PKP2: variants seen among roughly 807,000 people sequenced by gnomAD.
PKP2 encodes plakophilin 2, also known as plakophilin-2.
PKP2 carries 73 observed loss-of-function variants against 83.4 expected under a neutral mutation model. The ratio of observed to expected loss-of-function variants is 0.88; its 90% CI spans 0.72 to 1.06. The LOEUF (loss-of-function observed/expected upper bound fraction) is 1.06, where lower values mean the gene tolerates loss of function less well. Ranked by LOEUF, PKP2 falls within the 50% of genes least tolerant of loss-of-function variation. The probability of loss-of-function intolerance (pLI) is 0.00; values close to 1 mark genes in which losing one functional copy is unlikely to be tolerated. For missense variants in PKP2, 966 were observed against 1,065.4 expected, an observed-to-expected ratio of 0.91 and a Z score of 1.30; for synonymous variants, 409 against 430.4, an observed-to-expected ratio of 0.95 and a Z score of 0.62.
intron 10 of PKP2, among the ~76,000 whole-genome samples, 197 bp downstream of exon 10, chr12:32,802,205 TA>T (rs1176187850): frequency 6.6e-6 from 1 of 151,970 alleles, no homozygotes; most frequent in South Asian, 2.1e-4. Flanking sequence ...GTTGGATATT[TA>T]AAAAAAATCT....
intron 1 of PKP2, among the ~76,000 whole-genome samples, chr12:32,890,244 C>T (rs1957066591): frequency 6.6e-6 from 1 of 151,774 alleles, no homozygotes. Context: ...AAGAAAAGTT[C>T]CCATTTGTTT....
At chr12:32,834,756 G>A (rs183627019) in intron 6 of PKP2, among the ~76,000 whole-genome samples, 2 of 152,104 alleles carry the variant, frequency 1.3e-5, no homozygotes, top group African/African-American at 2.4e-5. Context: ...GAAGCTATAA[G>A]AATAATATGC....
chr12:32,800,387 G>T (rs1956168581), intron 10 of PKP2, among the ~76,000 whole-genome samples: 1 of 152,190 alleles, frequency 6.6e-6, no homozygotes, highest in Non-Finnish European at 1.5e-5. Context: ...TGAATGATAT[G>T]TCATCATAAT....
At chr12:32,821,951 T>C (rs779994866) in intron 8 of PKP2, 2 of 242,180 alleles carry the variant, frequency 8.3e-6, no homozygotes, top group Non-Finnish European at 1.6e-5. Context: ...TTTCCACAAA[T>C]ACCACGATAC....
At chr12:32,849,191 T>G (rs1956675791) in intron 5 of PKP2, among the ~76,000 whole-genome samples, 1 of 152,132 alleles carries the variant, frequency 6.6e-6, no homozygotes, top group South Asian at 2.1e-4. Flanking sequence ...TACTGATGAT[T>G]GCACTCAGTT....
In PKP2 at chr12:32,878,077, A is replaced by T. The variant is rs1341012598; in HGVS notation, c.803T>A (p.Val268Asp). The T allele has an allele frequency of 6.2e-7, 1 of 1,614,094 alleles. No individual in the cohort carries two copies. The highest frequency in any genetic ancestry group is 1.1e-5 in the South Asian group (1 of 91,076). The change falls in exon 3 of 13, where the codon GTC becomes GAC. Residue 268 changes from valine (V) to aspartate (D), a missense_variant. By Grantham distance (152) the Val-to-Asp change is radical. Transcript: ENST00000340811. ...KENYLTAGLTVGQVRPLVPLQ... is the reference protein window; with the variant it reads ...KENYLTAGLTDGQVRPLVPLQ... ...GGGCACCAGCGGCCTGACCTGCCCGACAGTGAGCCCTGCCGTCAGGTAGTT... is the reference window on the plus strand; with the variant it reads ...GGGCACCAGCGGCCTGACCTGCCCGTCAGTGAGCCCTGCCGTCAGGTAGTT...
chr12:32,825,382 A>G (rs1956428428), intron 6 of PKP2, among the ~76,000 whole-genome samples: 1 of 151,996 alleles, frequency 6.6e-6, no homozygotes, highest in South Asian at 2.1e-4. Flanking sequence ...TTGGTTGGCC[A>G]GGATGGTCTC....
chr12:32,863,691 C>G (rs1303409570), intron 4 of PKP2, among the ~76,000 whole-genome samples: 1 of 152,154 alleles, frequency 6.6e-6, no homozygotes, highest in African/African-American at 2.4e-5. Flanking sequence ...AGAACCTTCT[C>G]ACACATAAAA....
chr12:32,881,245 C>T (rs1181541436), intron 1 of PKP2, among the ~76,000 whole-genome samples: 1 of 152,134 alleles, frequency 6.6e-6, no homozygotes, highest in South Asian at 2.1e-4. Context: ...TGTGAGGAGG[C>T]AGTGGCAGGC....
At chr12:32,866,679 T>G (rs1426676851) in intron 4 of PKP2, among the ~76,000 whole-genome samples, 1 of 151,714 alleles carries the variant, frequency 6.6e-6, no homozygotes, top group African/African-American at 2.4e-5. Context: ...TATCAAATGT[T>G]AAGATGAGGA....
chr12:32,851,905 C>T (rs1046466489), intron 4 of PKP2, among the ~76,000 whole-genome samples: 2 of 152,070 alleles, frequency 1.3e-5, no homozygotes, highest in African/African-American at 2.4e-5. Context: ...TATCCAAATA[C>T]GTAAGAAAGC....
chr12:32,837,480 G>A (rs1275576321), intron 6 of PKP2, among the ~76,000 whole-genome samples: 1 of 152,124 alleles, frequency 6.6e-6, no homozygotes, highest in Non-Finnish European at 1.5e-5. Context: ...AACAATAAAT[G>A]TTAGCTATTA....
intron 5 of PKP2, among the ~76,000 whole-genome samples, chr12:32,845,837 T>C (rs1318910194): frequency 6.6e-6 from 1 of 152,132 alleles, no homozygotes; most frequent in Non-Finnish European, 1.5e-5. Flanking sequence ...TGCATAGATA[T>C]ACCCCTCCTT....
intron 6 of PKP2, among the ~76,000 whole-genome samples, chr12:32,828,151 T>G (rs552870278): frequency 6.6e-6 from 1 of 152,276 alleles, no homozygotes; most frequent in African/African-American, 2.4e-5. Flanking sequence ...TGACTTGTAA[T>G]GGGGGAAGAA....
intron 6 of PKP2, among the ~76,000 whole-genome samples, chr12:32,826,572 A>G (rs573160656): frequency 1.3e-5 from 2 of 152,316 alleles, no homozygotes; most frequent in South Asian, 4.1e-4. Context: ...ACTGATTCTC[A>G]TTTGACCCTT....
At chr12:32,822,827 T>C (rs1365791291) in intron 7 of PKP2, among the ~76,000 whole-genome samples, 196 bp from the exon 8 acceptor site, 2 of 152,272 alleles carry the variant, frequency 1.3e-5, no homozygotes, top group Admixed American at 1.3e-4. Context: ...AGGAGTACAA[T>C]GCTAAGAAGT....
chr12:32,821,737 C>T, intron 8 of PKP2: 1 of 550,692 alleles, frequency 1.8e-6, no homozygotes, highest in Non-Finnish European at 3.2e-6. Flanking sequence ...TAATAACACT[C>T]CACACCCCTA....
At chr12:32,798,384 C>T (rs1286432168) in intron 10 of PKP2, among the ~76,000 whole-genome samples, 1 of 151,936 alleles carries the variant, frequency 6.6e-6, no homozygotes, top group African/African-American at 2.4e-5. Flanking sequence ...AGCCACTGCG[C>T]CTGGCCTACT....
Position 32,878,263 on chromosome 12 carries a change from C to A in PKP2, c.617G>T (p.Gly206Val), listed in dbSNP as rs1956952828. Residue 206 changes from glycine to valine, a missense_variant, in exon 3 of 13, where the codon GGC becomes GTC. Transcript: ENST00000340811. ...AAAGTGGCGCTGCCTGCTTGTGGTG[C>A]CAGCACGGCTGACCCCCACGATCTC... The part of the protein sequence containing the change: ...RSEIVGVSRA[G>V]TTSRQRHFDT... 6.2e-7 allele frequency: 1 copy of A among 1,613,754 alleles called. No homozygotes were observed.
Sources: allele counts gnomAD v4.1 joint callset (sites outside exome capture counted in the v4.1 genomes callset), GRCh38; gene constraint gnomAD v4.1.1; transcripts MANE v1.5; gene names NCBI Gene and HGNC (gene_info 2026-07-23, HGNC 2026-07-21).